Variants in MRPL33 observed in about 807,000 individuals in gnomAD.
MRPL33 encodes the protein large ribosomal subunit protein bL33m.
Under a neutral mutation model 10.1 loss-of-function variants are expected in MRPL33, and 5 were observed. That is an observed-to-expected ratio of 0.49 (90% confidence interval 0.26 to 1.04). MRPL33 has a LOEUF of 1.04. MRPL33 is among the 50% of genes least tolerant of loss of function. The pLI is 0.14. For synonymous variants in MRPL33, 24 were observed against 27.7 expected (o/e 0.87, Z 0.42); for missense variants, 79 against 78.1 (o/e 1.01, Z -0.04).
Position 27,774,510 on chromosome 2 carries a change from T to G in MRPL33, c.128T>G (p.Leu43Arg). The G allele has an allele frequency of 6.2e-7, 1 of 1,614,052 alleles. No homozygotes were observed. The highest frequency in any genetic ancestry group is 8.5e-7 in the Non-Finnish European group (1 of 1,179,892). The part of the protein sequence containing the change: ...KRNRLREKLT[L>R]LHYDPVVKQR... Reference sequence around the variant, plus strand: ...AACCGACTGCGGGAAAAACTGACTCTTTTGCATTATGATCCAGTTGGTAAG... The same window carrying G: ...AACCGACTGCGGGAAAAACTGACTCGTTTGCATTATGATCCAGTTGGTAAG... The change falls in exon 3 of 4, where the codon CTT becomes CGT. Residue 43 changes from leucine to arginine, a missense_variant. Leu to Arg is a moderately radical substitution (Grantham distance 102). Transcript: ENST00000296102.
At chr2:27,777,819 C>T (rs1677204259) in intron 3 of MRPL33, among the ~76,000 whole-genome samples, 1 of 152,130 alleles carries the variant, frequency 6.6e-6, no homozygotes, top group African/African-American at 2.4e-5. Context: ...TTTAAATAGT[C>T]TCCAGATTGC....
intron 3 of MRPL33, among the ~76,000 whole-genome samples, chr2:27,776,761 G>C (rs971201647): frequency 6.6e-6 from 1 of 152,218 alleles, no homozygotes; most frequent in Non-Finnish European, 1.5e-5. Flanking sequence ...TGTAGGGAGA[G>C]AACTTGACAG....
At chr2:27,774,332 C>A in intron 2 of MRPL33, 92 bp from the exon 3 acceptor site, 1 of 987,198 alleles carries the variant, frequency 1.0e-6, no homozygotes, top group Non-Finnish European at 1.6e-6. Flanking sequence ...ACTAATATTA[C>A]CCTACAGAGT....
Position 27,777,126 on chromosome 2 carries a change from C to T in MRPL33, c.149-2307C>T, listed in dbSNP as rs183602195. 2.5e-3 allele frequency among the ~76,000 whole-genome samples: 388 copies of T among 152,330 alleles called. 1 individual carries two copies. Among genetic ancestry groups the T allele is most frequent in the African/African-American group, 8.8e-3 (367 of 41,566 alleles). ...AACTCCTGAGCTCAAGCAGTCCGCC[C>T]ACCTTGGCTGCCCAGAGTGTTGGGA... On this transcript the variant is annotated intron_variant, in intron 3 of 3. Transcript: ENST00000296102.
chr2:27,772,201 A>G (rs748833762), intron 1 of MRPL33: 4 of 262,904 alleles, frequency 1.5e-5, no homozygotes, highest in African/African-American at 2.2e-5. Context: ...CAGGGCAGTT[A>G]AAGAAGTCCT....
At chr2:27,773,964 G>A (rs1054193159) in intron 2 of MRPL33, among the ~76,000 whole-genome samples, 1 of 152,134 alleles carries the variant, frequency 6.6e-6, no homozygotes, top group Admixed American at 6.5e-5. Context: ...AAGGTTTTGC[G>A]CATTAGCAAA....
At chr2:27,773,778 CTT>C (rs1350243831) in intron 2 of MRPL33, among the ~76,000 whole-genome samples, 3 of 152,140 alleles carry the variant, frequency 2.0e-5, no homozygotes, top group Non-Finnish European at 4.4e-5. Context: ...GTAATATAGT[CTT>C]AGATGCTTCC....
intron 1 of MRPL33, 48 bp downstream of exon 1, chr2:27,771,847 G>A (rs1677053902): frequency 6.3e-7 from 1 of 1,585,980 alleles, no homozygotes; most frequent in Non-Finnish European, 8.6e-7. Flanking sequence ...AGGGTTAGGG[G>A]GCCGTGACAG....
At chr2:27,774,605 G>C (rs1677115019) in intron 3 of MRPL33, 75 bp downstream of exon 3, 2 of 1,224,164 alleles carry the variant, frequency 1.6e-6, no homozygotes. Context: ...CTCTCTGGAG[G>C]TGTTTTTTTA....
intron 3 of MRPL33, among the ~76,000 whole-genome samples, chr2:27,776,210 G>T (rs1677146106): frequency 6.6e-6 from 1 of 152,244 alleles, no homozygotes; most frequent in African/African-American, 2.4e-5. Flanking sequence ...TTCTGATAAG[G>T]AACGGTCTTA....
At chr2:27,773,892 T>C (rs1053018759) in intron 2 of MRPL33, among the ~76,000 whole-genome samples, 1 of 152,194 alleles carries the variant, frequency 6.6e-6, no homozygotes, top group African/African-American at 2.4e-5. Context: ...AAAGATCTGG[T>C]GAGGCAAACA....
At chr2:27,776,878 T>C (rs901378103) in intron 3 of MRPL33, among the ~76,000 whole-genome samples, 5 of 152,236 alleles carry the variant, frequency 3.3e-5, no homozygotes, top group Non-Finnish European at 7.3e-5. Context: ...GAGTGCGCAC[T>C]ATGTGTCCAG....
intron 2 of MRPL33, 36 bp downstream of exon 2, chr2:27,772,728 GT>G: frequency 6.4e-7 from 1 of 1,552,520 alleles, no homozygotes; most frequent in Non-Finnish European, 8.8e-7. Flanking sequence ...AACGTCACTT[GT>G]TTATGTTGGA....
At chr2:27,776,591 G>A (rs576937595) in intron 3 of MRPL33, among the ~76,000 whole-genome samples, 32 of 152,346 alleles carry the variant, frequency 2.1e-4, no homozygotes, top group African/African-American at 7.5e-4. Flanking sequence ...GCTAATTTCC[G>A]AAGAGGAAGG....
At chr2:27,777,927 T>G (rs1193593998) in intron 3 of MRPL33, among the ~76,000 whole-genome samples, 1 of 152,218 alleles carries the variant, frequency 6.6e-6, no homozygotes, top group Non-Finnish European at 1.5e-5. Flanking sequence ...TGTCGTAATA[T>G]AGATGAGAAA....
intron 3 of MRPL33, among the ~76,000 whole-genome samples, chr2:27,775,660 T>C (rs1163665223): frequency 6.6e-6 from 1 of 152,170 alleles, no homozygotes; most frequent in East Asian, 1.9e-4. Flanking sequence ...CCATTGCTTC[T>C]TAACAAGATA....
intron 1 of MRPL33, chr2:27,772,192 A>G (rs1677063066): frequency 3.7e-6 from 1 of 272,642 alleles, no homozygotes; most frequent in Non-Finnish European, 6.9e-6. Context: ...GTAATGCGGC[A>G]GGGCAGTTAA....
At chr2:27,773,599 T>C (rs1677093250) in intron 2 of MRPL33, among the ~76,000 whole-genome samples, 1 of 152,228 alleles carries the variant, frequency 6.6e-6, no homozygotes, top group African/African-American at 2.4e-5. Flanking sequence ...CTAGAGGACA[T>C]AGACATAGAC....
intron 3 of MRPL33, among the ~76,000 whole-genome samples, chr2:27,778,338 T>C (rs1423342721): frequency 1.3e-5 from 2 of 152,102 alleles, no homozygotes; most frequent in African/African-American, 4.8e-5. Context: ...AGTGAGGAAT[T>C]GTTAGGTCAT....
Sources: allele counts gnomAD v4.1 joint callset (sites outside exome capture counted in the v4.1 genomes callset), GRCh38; gene constraint gnomAD v4.1.1; transcripts MANE v1.5; gene names NCBI Gene and HGNC (gene_info 2026-07-23, HGNC 2026-07-21).